The following PLB1 variants were observed in gnomAD, a reference collection of about 807,000 sequenced individuals.
The protein encoded by PLB1 is phospholipase B1.
A neutral mutation model predicts 227.4 loss-of-function variants in PLB1; 242 were observed. The observed-to-expected ratio is 1.06, with a 90% CI of 0.96 to 1.18. PLB1 has a LOEUF of 1.18. PLB1 is among the 50% of genes most tolerant of loss of function. The pLI, the probability that PLB1 is intolerant of heterozygous loss-of-function variation, is 0.00. For synonymous variants in PLB1, 757 were observed against 682.2 expected (o/e 1.11, Z -1.71); for missense variants, 1,858 against 1,816.3 (o/e 1.02, Z -0.42).
At chr2:28,584,467 A>G (rs947214963) in intron 25 of PLB1, among the ~76,000 whole-genome samples, 1 of 152,192 alleles carries the variant, frequency 6.6e-6, no homozygotes, top group African/African-American at 2.4e-5. Flanking sequence ...TGGGCCACAC[A>G]GGGGATCGGT....
chr2:28,531,821 C>T (rs948747647), intron 8 of PLB1, among the ~76,000 whole-genome samples: 8 of 152,224 alleles, frequency 5.3e-5, no homozygotes, highest in African/African-American at 1.4e-4. Flanking sequence ...GAATCATTCA[C>T]GTATCCTTGT....
intron 5 of PLB1, 82 bp downstream of exon 5, chr2:28,525,389 A>G (rs1670104923): frequency 6.8e-7 from 1 of 1,470,744 alleles, no homozygotes. Flanking sequence ...AATGGGAAAG[A>G]TTGGAGGCCA....
chr2:28,582,869 G>T (rs1330083205), intron 25 of PLB1, among the ~76,000 whole-genome samples: 1 of 152,156 alleles, frequency 6.6e-6, no homozygotes, highest in Admixed American at 6.5e-5. Context: ...TTCCAAGTGT[G>T]TCCAGAGCTG....
At chr2:28,605,715 T>G (rs1684576899) in intron 41 of PLB1, 138 bp from the exon 42 acceptor site, 1 of 671,958 alleles carries the variant, frequency 1.5e-6, no homozygotes, top group Non-Finnish European at 2.7e-6. Flanking sequence ...TTAAGGTGAA[T>G]GGGCCCTGTG....
Position 28,525,326 on chromosome 2 carries a change from C to A in PLB1, c.284+19C>A. ...AAGACTGGTAACTATCCTGAAAACA[C>A]AGAAAACAGAAAGGAGCCCGGAGAT... On this transcript the variant is annotated intron_variant, in intron 5 of 57. Transcript: ENST00000327757. 3 of 1,611,458 alleles carry A rather than the reference C, an allele frequency of 1.9e-6. No homozygotes were observed. The highest frequency in any genetic ancestry group is 2.5e-6 in the Non-Finnish European group (3 of 1,178,270).
At chr2:28,558,832 G>C (rs1370372830) in intron 17 of PLB1, among the ~76,000 whole-genome samples, 1 of 152,190 alleles carries the variant, frequency 6.6e-6, no homozygotes, top group Non-Finnish European at 1.5e-5. Context: ...TGCAGTGGCA[G>C]CTACAGTTGT....
chr2:28,639,477 C>G (rs545070171), intron 56 of PLB1, among the ~76,000 whole-genome samples: 1 of 152,310 alleles, frequency 6.6e-6, no homozygotes, highest in South Asian at 2.1e-4. Context: ...CTGCCAGCAC[C>G]TATAGACAGC....
intron 29 of PLB1, 67 bp from the exon 30 acceptor site, chr2:28,591,066 A>G: frequency 6.3e-7 from 1 of 1,596,428 alleles, no homozygotes; most frequent in East Asian, 2.2e-5. Flanking sequence ...CCGACACTTA[A>G]CTGAGTGCTG....
chr2:28,556,460 C>CA, intron 17 of PLB1, among the ~76,000 whole-genome samples: 1 of 152,154 alleles, frequency 6.6e-6, no homozygotes, highest in East Asian at 1.9e-4. Flanking sequence ...TAAAAACTTG[C>CA]AACTTTTTCC....
At chr2:28,613,301 G>A (rs571383319) in intron 43 of PLB1, among the ~76,000 whole-genome samples, 2 of 152,330 alleles carry the variant, frequency 1.3e-5, no homozygotes, top group Non-Finnish European at 2.9e-5. Context: ...CACATTTTGT[G>A]AGAGTGCTCA....
intron 43 of PLB1, 85 bp from the exon 44 acceptor site, chr2:28,613,946 C>T (rs558827056): frequency 7.8e-4 from 825 of 1,054,126 alleles, no homozygotes; most frequent in Non-Finnish European, 1.1e-3. Flanking sequence ...AATAAATCTA[C>T]AGGGCAGGAT....
chr2:28,635,360 G>A (rs1002092162), intron 56 of PLB1, among the ~76,000 whole-genome samples: 10 of 152,138 alleles, frequency 6.6e-5, no homozygotes, highest in African/African-American at 2.4e-4. Context: ...AGACTGAGAG[G>A]TCATCTAGCC....
At chr2:28,617,925 C>T (rs1195407434) in intron 45 of PLB1, 138 bp downstream of exon 45, 6 of 850,380 alleles carry the variant, frequency 7.1e-6, no homozygotes, top group South Asian at 2.9e-5. Flanking sequence ...ATCCTGCGGC[C>T]TGCCGCCACA....
intron 6 of PLB1, among the ~76,000 whole-genome samples, chr2:28,527,136 C>A (rs1162299633): frequency 6.6e-6 from 1 of 152,122 alleles, no homozygotes; most frequent in African/African-American, 2.4e-5. Flanking sequence ...ATAGTTTAGA[C>A]CCTGAAGCCA....
In PLB1 at chr2:28,531,995, C is replaced by T. The variant is rs138292078; in HGVS notation, c.469-113C>T. On this transcript the variant is annotated intron_variant, in intron 8 of 57. Coordinates refer to ENST00000327757, the MANE Select transcript of PLB1 (RefSeq NM_153021.5). The stretch of plus-strand genomic sequence containing the variant: ...ATACTACTATTGAAAAAAATTCATA[C>T]ATGAGTTTTTCAGGGATGGGTGTAT... 8.5e-5 allele frequency: 66 copies of T among 779,024 alleles called. 1 individual carries two copies. The African/African-American group carries it at 1.0e-3, about 12-fold the overall frequency. The allele number at this position is 779,024 out of a possible 1,614,324, so 48.3% of individuals were successfully genotyped here. A position where few individuals can be genotyped will look rare whatever the true frequency, so the allele number is the denominator to read the frequency against.
chr2:28,590,073 C>G lies in PLB1; in HGVS notation c.2085C>G (p.Asn695Lys), dbSNP rs765696777. 1 of 1,611,002 alleles carries G rather than the reference C, an allele frequency of 6.2e-7. No individual in the cohort carries two copies. The highest frequency in any genetic ancestry group is 1.7e-5 in the Admixed American group (1 of 59,986). The change falls in exon 29 of 58, where the codon AAC becomes AAG. Residue 695 changes from asparagine to lysine, a missense_variant. Transcript: ENST00000327757. ...FENKINITCPNQVQPFLRTYK... is the reference protein window; with the variant it reads ...FENKINITCPKQVQPFLRTYK... ...ACAAGATCAATATCACATGTCCGAA[C>G]CAGGTAGAGTGGAAAGCACGTCCTT...
Position 28,582,642 on chromosome 2 carries a change from AG to A in PLB1, c.1733+138del, listed in dbSNP as rs1214292301. On this transcript the variant is annotated intron_variant, in intron 25 of 57. Coordinates refer to ENST00000327757, the MANE Select transcript of PLB1 (RefSeq NM_153021.5). Reference sequence around the variant, plus strand: ...ACCACCCCATCTTCTAACCTGGAAAAGCCTAAGGGGAGGATATCCTAGGATT... The same window carrying A: ...ACCACCCCATCTTCTAACCTGGAAAACCTAAGGGGAGGATATCCTAGGATT... 7.3e-6 allele frequency: 5 copies of A among 683,802 alleles called. No individual in the cohort carries two copies. The Admixed American group carries it at 1.3e-4, about 18-fold the overall frequency. 42.4% of individuals were successfully genotyped at this position (683,802 alleles called of 1,614,324 possible).
At chr2:28,572,038 G>A (rs761423455) in intron 20 of PLB1, among the ~76,000 whole-genome samples, 7 of 152,172 alleles carry the variant, frequency 4.6e-5, no homozygotes, top group East Asian at 1.9e-4. Flanking sequence ...AGAAACTTAC[G>A]TCTAGAAATT....
At chr2:28,617,329 AAC>A (rs1686330117) in intron 44 of PLB1, among the ~76,000 whole-genome samples, 1 of 152,236 alleles carries the variant, frequency 6.6e-6, no homozygotes, top group Non-Finnish European at 1.5e-5. Flanking sequence ...AATTTTATAA[AAC>A]ACACATACCT....
Sources: allele counts gnomAD v4.1 joint callset (sites outside exome capture counted in the v4.1 genomes callset), GRCh38; gene constraint gnomAD v4.1.1; transcripts MANE v1.5; gene names NCBI Gene and HGNC (gene_info 2026-07-23, HGNC 2026-07-21).